Variants in HS6ST3 observed in about 807,000 individuals in gnomAD.
The protein encoded by HS6ST3 is heparan sulfate 6-O-sulfotransferase 3.
In HS6ST3, 12 loss-of-function variants were observed where a neutral mutation model predicts 36.7. The observed-to-expected ratio is 0.33, with a 90% CI of 0.21 to 0.53. The LOEUF is 0.53. Ranked by LOEUF, HS6ST3 falls within the 20% of genes least tolerant of loss-of-function variation. HS6ST3 has a pLI of 0.95. For synonymous variants in HS6ST3, 240 were observed against 257.5 expected (o/e 0.93, Z 0.65); for missense variants, 584 against 640.9 (o/e 0.91, Z 0.96).
At chr13:96,809,636 CTG>C (rs994235038) in intron 1 of HS6ST3, among the ~76,000 whole-genome samples, 1 of 152,192 alleles carries the variant, frequency 6.6e-6, no homozygotes, top group African/African-American at 2.4e-5. Context: ...TGCAATGACT[CTG>C]AGCTCCCAGA....
rs1045203516 is a variant in HS6ST3 at position 96,090,590 on chromosome 13, G to T, written c.-273G>T. 3.4e-5 allele frequency among the ~76,000 whole-genome samples: 5 copies of T among 145,910 alleles called. No homozygotes were observed. Among genetic ancestry groups the T allele is most frequent in the African/African-American group, 4.9e-5 (2 of 40,722 alleles). ...CCGGGGCGGGAGCAGGGAGCGGGCC[G>T]GCCCGGGCGCACCCGGGAGCGCAGG... is the stretch of plus-strand genomic sequence containing the variant. On this transcript the variant is annotated 5_prime_UTR_variant, in exon 1 of 2. Transcript: ENST00000376705.
At chr13:96,818,470 G>A (rs921471488) in intron 1 of HS6ST3, among the ~76,000 whole-genome samples, 4 of 152,190 alleles carry the variant, frequency 2.6e-5, no homozygotes, top group Non-Finnish European at 5.9e-5. Context: ...AGTCACAAAT[G>A]AGTTACTAGC....
intron 1 of HS6ST3, among the ~76,000 whole-genome samples, chr13:96,219,581 T>C (rs2054444476): frequency 6.6e-6 from 1 of 152,224 alleles, no homozygotes; most frequent in South Asian, 2.1e-4. Flanking sequence ...GATGATTTCC[T>C]GTGACTGTAT....
chr13:96,291,170 C>T (rs895381172), intron 1 of HS6ST3, among the ~76,000 whole-genome samples: 16 of 152,110 alleles, frequency 1.1e-4, no homozygotes, highest in African/African-American at 3.4e-4. Context: ...TTTCTATCTT[C>T]TGTCTCTCCC....
At chr13:96,175,694 C>CAAAAAAAAAAAAAAAAAAAAA (rs4001570) in intron 1 of HS6ST3, among the ~76,000 whole-genome samples, 1 of 140,824 alleles carries the variant, frequency 7.1e-6, no homozygotes, top group Non-Finnish European at 1.5e-5. Context: ...GTGAATTTGG[C>CAAAAAAAAAAAAAAAAAAAAA]AAAAAAAAAA....
chr13:96,179,080 C>T (rs1056392311), intron 1 of HS6ST3, among the ~76,000 whole-genome samples: 2 of 152,068 alleles, frequency 1.3e-5, no homozygotes, highest in Non-Finnish European at 2.9e-5. Flanking sequence ...TGGGAAATAC[C>T]AGACTCCACT....
In HS6ST3 at chr13:96,479,613, T is replaced by C. The variant is rs576872470; in HGVS notation, c.708-352877T>C. 7.2e-5 allele frequency among the ~76,000 whole-genome samples: 11 copies of C among 152,266 alleles called. No homozygotes were observed. The South Asian group carries it at 2.3e-3, about 32-fold the overall frequency. On this transcript the variant is annotated intron_variant, in intron 1 of 1. Coordinates refer to ENST00000376705, the MANE Select transcript of HS6ST3 (RefSeq NM_153456.4). ...GGTAGTGACAATGGTTAGCATTGGATAGATCAGAGAAATATTGATGAGGTG... is the reference window on the plus strand; with the variant it reads ...GGTAGTGACAATGGTTAGCATTGGACAGATCAGAGAAATATTGATGAGGTG...
intron 1 of HS6ST3, among the ~76,000 whole-genome samples, chr13:96,476,738 G>T (rs186406859): frequency 9.1e-4 from 138 of 152,200 alleles, no homozygotes; most frequent in African/African-American, 3.2e-3. Context: ...GATCTATTTG[G>T]GGTGTAGTGC....
chr13:96,438,516 A>G (rs1418926139), intron 1 of HS6ST3, among the ~76,000 whole-genome samples: 1 of 152,130 alleles, frequency 6.6e-6, no homozygotes, highest in Non-Finnish European at 1.5e-5. Flanking sequence ...CTTGGCTCTT[A>G]TTTGATCCAC....
At chr13:96,365,759 G>A (rs2055259705) in intron 1 of HS6ST3, among the ~76,000 whole-genome samples, 1 of 152,146 alleles carries the variant, frequency 6.6e-6, no homozygotes, top group Non-Finnish European at 1.5e-5. Context: ...TATCAGACTA[G>A]GAACCATATG....
In HS6ST3 at chr13:96,608,969, A is replaced by T. The variant is rs571275662; in HGVS notation, c.708-223521A>T. On this transcript the variant is annotated intron_variant, in intron 1 of 1. Transcript: ENST00000376705. Reference sequence around the variant, plus strand: ...ATAGATATCTTTTATTTATTTATTTATATTTATTTATTTATTTTGAGGCAG... The same window carrying T: ...ATAGATATCTTTTATTTATTTATTTTTATTTATTTATTTATTTTGAGGCAG... 5.9e-5 allele frequency among the ~76,000 whole-genome samples: 9 copies of T among 151,684 alleles called. No individual in the cohort carries two copies. In the South Asian group the frequency reaches 8.3e-4, roughly 14 times the overall value.
intron 1 of HS6ST3, among the ~76,000 whole-genome samples, chr13:96,480,977 A>G (rs1343591596): frequency 6.6e-6 from 1 of 152,262 alleles, no homozygotes; most frequent in Non-Finnish European, 1.5e-5. Flanking sequence ...ATTCTAAACC[A>G]TAAATGGTAA....
intron 1 of HS6ST3, among the ~76,000 whole-genome samples, chr13:96,237,951 A>G (rs956419566): frequency 6.6e-6 from 1 of 151,778 alleles, no homozygotes; most frequent in African/African-American, 2.4e-5. Flanking sequence ...AACTCCTCCT[A>G]CCCCTGTACC....
chr13:96,430,449 G>A (rs530036918), intron 1 of HS6ST3, among the ~76,000 whole-genome samples: 1 of 152,218 alleles, frequency 6.6e-6, no homozygotes, highest in African/African-American at 2.4e-5. Flanking sequence ...TGCTACCCTG[G>A]GCACTGTCTG....
At position 96,352,188 on chromosome 13, in the gene HS6ST3, CAAATT is replaced by C. The variant is rs2055187210; in HGVS notation, c.707+260622_707+260626del. ...GTATTTGTTATATATTGTTGTATAACAAATTAACCCAAATTCGATGACTTAAAACA... is the reference window on the plus strand; with the variant it reads ...GTATTTGTTATATATTGTTGTATAACAACCCAAATTCGATGACTTAAAACA... On this transcript the variant is annotated intron_variant, in intron 1 of 1. Coordinates refer to ENST00000376705, the MANE Select transcript of HS6ST3 (RefSeq NM_153456.4). 2.6e-5 allele frequency among the ~76,000 whole-genome samples: 4 copies of C among 152,144 alleles called. No individual in the cohort carries two copies. The South Asian group carries it at 8.3e-4, about 31-fold the overall frequency.
At chr13:96,137,947 A>T (rs1007580079) in intron 1 of HS6ST3, among the ~76,000 whole-genome samples, 1 of 152,216 alleles carries the variant, frequency 6.6e-6, no homozygotes, top group Non-Finnish European at 1.5e-5. Flanking sequence ...ATTGACGTGC[A>T]GTGTAAAATG....
At chr13:96,263,066 G>C (rs1003829244) in intron 1 of HS6ST3, among the ~76,000 whole-genome samples, 1 of 152,116 alleles carries the variant, frequency 6.6e-6, no homozygotes, top group Non-Finnish European at 1.5e-5. Context: ...TTTGAAATTA[G>C]GTAGATGTCT....
intron 1 of HS6ST3, among the ~76,000 whole-genome samples, chr13:96,219,694 T>C (rs2054445582): frequency 6.6e-6 from 1 of 152,154 alleles, no homozygotes. Context: ...TCTTTCTTTT[T>C]TTTTTTTGAG....
chr13:96,643,265 C>G (rs896363769), intron 1 of HS6ST3, among the ~76,000 whole-genome samples: 2 of 151,918 alleles, frequency 1.3e-5, no homozygotes, highest in Non-Finnish European at 1.5e-5. Flanking sequence ...ACTTTTAATA[C>G]TCAGCTAGGC....
Sources: allele counts gnomAD v4.1 joint callset (sites outside exome capture counted in the v4.1 genomes callset), GRCh38; gene constraint gnomAD v4.1.1; transcripts MANE v1.5; gene names NCBI Gene and HGNC (gene_info 2026-07-23, HGNC 2026-07-21).